Variants in CAPS2 observed in about 807,000 individuals in gnomAD.
The protein encoded by CAPS2 is calcyphosin-2.
A neutral mutation model predicts 86.5 loss-of-function variants in CAPS2; 98 were observed. The ratio of observed to expected loss-of-function variants is 1.13; its 90% confidence interval spans 0.96 to 1.34. The LOEUF is 1.34. CAPS2 is among the 40% of genes most tolerant of loss of function. The probability of loss-of-function intolerance (pLI) is 0.00; values close to 1 mark genes in which losing one functional copy is unlikely to be tolerated. For synonymous variants in CAPS2, 210 were observed against 225.1 expected (o/e 0.93, Z 0.60); for missense variants, 729 against 686.8 (o/e 1.06, Z -0.69).
chr12:75,306,547 G>A (rs546253858), intron 7 of CAPS2, among the ~76,000 whole-genome samples: 2 of 152,310 alleles, frequency 1.3e-5, no homozygotes. Flanking sequence ...TAGGACATAC[G>A]CATGTTTGTT....
chr12:75,370,485 T>C (rs932592386), intron 1 of CAPS2: 9 of 191,274 alleles, frequency 4.7e-5, no homozygotes, highest in Admixed American at 4.5e-4. Flanking sequence ...TAAAGACTTT[T>C]CACATATCAA....
chr12:75,277,332 A>G, exon 17 of CAPS2: 11 of 970,738 alleles, frequency 1.1e-5, no homozygotes, highest in Non-Finnish European at 1.3e-5. Flanking sequence ...TCAATGAAAA[A>G]CACTATATGC....
intron 1 of CAPS2, among the ~76,000 whole-genome samples, chr12:75,350,073 G>C (rs1329899214): frequency 1.3e-5 from 2 of 152,232 alleles, no homozygotes; most frequent in African/African-American, 4.8e-5. Context: ...AGACTGACTG[G>C]TTTGGACCAG....
chr12:75,377,867 G>A (rs1283474444), intron 1 of CAPS2, among the ~76,000 whole-genome samples: 3 of 99,476 alleles, frequency 3.0e-5, no homozygotes, highest in Non-Finnish European at 4.7e-5. Context: ...ATATGCGTGT[G>A]TGTGTGTGTC....
At chr12:75,313,930 C>CT (rs1413912009) in intron 6 of CAPS2, among the ~76,000 whole-genome samples, 1 of 151,962 alleles carries the variant, frequency 6.6e-6, no homozygotes, top group African/African-American at 2.4e-5. Context: ...GTTTTTTTGG[C>CT]TTTTTTTGAG....
Position 75,323,232 on chromosome 12 carries a change from A to G in CAPS2, c.132-10T>C. 2 of 1,540,920 alleles carry G rather than the reference A, an allele frequency of 1.3e-6. No homozygotes were observed. The highest frequency in any genetic ancestry group is 1.8e-6 in the Non-Finnish European group (2 of 1,141,550). ...ATCAAGTCGTGGGACCCTGAAAGAC[A>G]TAATCTATGTATCCCGTAACTTTTT... is the stretch of plus-strand genomic sequence containing the variant. On this transcript the variant is annotated splice_polypyrimidine_tract_variant and intron_variant, in intron 2 of 16. Transcript: ENST00000393284.
intron 1 of CAPS2, among the ~76,000 whole-genome samples, chr12:75,344,592 G>T (rs1217582832): frequency 1.3e-5 from 2 of 151,864 alleles, no homozygotes; most frequent in Non-Finnish European, 2.9e-5. Flanking sequence ...ATCTATGTTA[G>T]CTCTGTGTTA....
rs865992209 is a variant in CAPS2, at chr12:75,290,982, A to T, written c.1240+762T>A. ...TGTTAATTTCTGTGATTGCTTATTC[A>T]ATATCTTTCTCCATTTTATACTATG... On this transcript the variant is annotated intron_variant, in intron 13 of 16. Transcript: ENST00000393284. Among the ~76,000 whole-genome samples the T allele has an allele frequency of 3.3e-5, 5 of 151,840 alleles. No homozygotes were observed. In the South Asian group the frequency reaches 6.2e-4, roughly 19 times the overall value.
chr12:75,325,807 A>AG lies in CAPS2; in HGVS notation c.82-520dup, dbSNP rs565625196. ...GGAAAGGGGTAAAATCCAGAGTGTG[A>AG]GGGGGGGTAGGGCCAAGCTGTTACA... is the stretch of plus-strand genomic sequence containing the variant. On this transcript the variant is annotated intron_variant, in intron 1 of 16. Coordinates refer to ENST00000393284, the Ensembl canonical transcript of CAPS2. Among the ~76,000 whole-genome samples, 175 of 152,042 alleles carry AG rather than the reference A, an allele frequency of 1.2e-3. 3 individuals carry two copies. The highest frequency in any genetic ancestry group is 4.1e-3 in the African/African-American group (168 of 41,470).
chr12:75,319,096 A>G (rs2040058197), intron 5 of CAPS2, among the ~76,000 whole-genome samples: 1 of 152,190 alleles, frequency 6.6e-6, no homozygotes, highest in South Asian at 2.1e-4. Context: ...TATTTTAAAA[A>G]TATATATGTA....
At chr12:75,360,779 T>A (rs2043528093) in intron 1 of CAPS2, 1 of 152,170 alleles carries the variant, frequency 6.6e-6, no homozygotes, top group African/African-American at 2.4e-5. Flanking sequence ...CAACCCCACC[T>A]TTTCTTTCCA....
chr12:75,385,480 CA>C (rs896281648), intron 1 of CAPS2, among the ~76,000 whole-genome samples: 2 of 151,456 alleles, frequency 1.3e-5, no homozygotes, highest in Middle Eastern at 3.4e-3. Context: ...TCAATATTTA[CA>C]AAAAAAAGCT....
At chr12:75,334,916 A>T (rs776529042), upstream of CAPS2, 36 of 1,610,160 alleles carry the variant, frequency 2.2e-5, no homozygotes, top group Non-Finnish European at 2.8e-5. Context: ...AGAAAGAACC[A>T]GGGCTGGGCT....
At chr12:75,313,824 A>G (rs918314763) in intron 6 of CAPS2, among the ~76,000 whole-genome samples, 1 of 152,264 alleles carries the variant, frequency 6.6e-6, no homozygotes, top group Non-Finnish European at 1.5e-5. Flanking sequence ...AAGAATGTCT[A>G]AAGACATATC....
intron 6 of CAPS2, among the ~76,000 whole-genome samples, chr12:75,315,544 C>T (rs2039671803): frequency 6.6e-6 from 1 of 152,132 alleles, no homozygotes. Context: ...ATAATTGATT[C>T]TGGATGATTG....
At chr12:75,293,155 G>C in intron 12 of CAPS2, 94 bp downstream of exon 12, 1 of 780,604 alleles carries the variant, frequency 1.3e-6, no homozygotes, top group South Asian at 1.7e-5. Context: ...CCTTAATGAA[G>C]TTATAAATAC....
chr12:75,285,340 G>T (rs1034640272), intron 14 of CAPS2, among the ~76,000 whole-genome samples: 25 of 152,012 alleles, frequency 1.6e-4, no homozygotes, highest in South Asian at 8.3e-4. Context: ...TTTTATTTTT[G>T]ATGGACAAAT....
At chr12:75,321,003 C>A (rs971002138) in intron 5 of CAPS2, among the ~76,000 whole-genome samples, 2 of 151,980 alleles carry the variant, frequency 1.3e-5, no homozygotes, top group East Asian at 3.9e-4. Flanking sequence ...TTGCACAAAC[C>A]AGGATCACCA....
chr12:75,340,856 T>C (rs913539721), intron 1 of CAPS2, among the ~76,000 whole-genome samples: 1 of 150,970 alleles, frequency 6.6e-6, no homozygotes, highest in Non-Finnish European at 1.5e-5. Flanking sequence ...ATTAGTGAAA[T>C]GCAAATTAAA....
Sources: gnomAD v4.1 joint callset for allele counts (sites outside exome capture counted in the v4.1 genomes callset) on GRCh38, gnomAD v4.1.1 for gene constraint, MANE v1.5 for transcripts, NCBI Gene and HGNC (gene_info 2026-07-23, HGNC 2026-07-21) for gene names.